Variants in MGAT4C observed in about 807,000 individuals in gnomAD.
MGAT4C encodes the protein alpha-1,3-mannosyl-glycoprotein 4-beta-N-acetylglucosaminyltransferase C.
A neutral mutation model predicts 40.1 loss-of-function variants in MGAT4C; 19 were observed. That is an observed-to-expected ratio of 0.47 (90% CI 0.33 to 0.70). The LOEUF (loss-of-function observed/expected upper bound fraction) is 0.70. MGAT4C is among the 30% of genes least tolerant of loss of function. MGAT4C has a pLI of 0.02. For synonymous variants in MGAT4C, 181 were observed against 187.1 expected, an observed-to-expected ratio of 0.97 and a Z score of 0.27; for missense variants, 491 against 563.2, an observed-to-expected ratio of 0.87 and a Z score of 1.30.
At chr12:86,526,778 G>A (rs115602856) in intron 2 of MGAT4C, among the ~76,000 whole-genome samples, 11 of 152,294 alleles carry the variant, frequency 7.2e-5, no homozygotes, top group African/African-American at 2.4e-4. Flanking sequence ...ACACCAAACC[G>A]TTTGGGTTCC....
intron 3 of MGAT4C, among the ~76,000 whole-genome samples, chr12:86,416,601 C>T (rs960302260): frequency 4.6e-5 from 7 of 151,962 alleles, no homozygotes; most frequent in African/African-American, 1.7e-4. Flanking sequence ...TAGATTAGAC[C>T]CTGCAGAATA....
At chr12:86,776,572 G>A (rs1951752078) in intron 1 of MGAT4C, among the ~76,000 whole-genome samples, 1 of 151,994 alleles carries the variant, frequency 6.6e-6, no homozygotes, top group African/African-American at 2.4e-5. Context: ...TTAGAGCAAT[G>A]TCTTTCTCAA....
intron 3 of MGAT4C, among the ~76,000 whole-genome samples, chr12:86,397,920 ACCACT>A (rs2136233826): frequency 6.6e-6 from 1 of 152,232 alleles, no homozygotes; most frequent in African/African-American, 2.4e-5. Context: ...CTATGATCAC[ACCACT>A]GCACTGCAGC....
chr12:86,331,922 C>T (rs1446971208), intron 4 of MGAT4C, among the ~76,000 whole-genome samples: 1 of 152,052 alleles, frequency 6.6e-6, no homozygotes, highest in African/African-American at 2.4e-5. Flanking sequence ...CTAATAGGTT[C>T]CCTACAGTAA....
chr12:86,193,196 A>T (rs1889720731), intron 1 of MGAT4C, among the ~76,000 whole-genome samples: 2 of 150,258 alleles, frequency 1.3e-5, no homozygotes, highest in South Asian at 4.2e-4. Context: ...TCCTTTGATT[A>T]TCTTTCTTAG....
chr12:86,095,489 T>G (rs767416523), intron 1 of MGAT4C, among the ~76,000 whole-genome samples: 1 of 152,026 alleles, frequency 6.6e-6, no homozygotes, highest in Non-Finnish European at 1.5e-5. Context: ...ATATTTCCTT[T>G]TATTAGCAAC....
At chr12:86,705,331 CT>C (rs1368448759) in intron 2 of MGAT4C, among the ~76,000 whole-genome samples, 2 of 151,782 alleles carry the variant, frequency 1.3e-5, no homozygotes, top group Non-Finnish European at 1.5e-5. Flanking sequence ...ATAATATTTG[CT>C]ACTAAGAGGC....
At chr12:86,684,866 A>G (rs1217144423) in intron 2 of MGAT4C, among the ~76,000 whole-genome samples, 2 of 151,322 alleles carry the variant, frequency 1.3e-5, no homozygotes, top group East Asian at 3.9e-4. Flanking sequence ...ATCATTCACC[A>G]ACTTTTTGAT....
intron 1 of MGAT4C, among the ~76,000 whole-genome samples, chr12:86,790,694 A>G (rs1017212049): frequency 6.6e-6 from 1 of 152,110 alleles, no homozygotes; most frequent in Non-Finnish European, 1.5e-5. Flanking sequence ...TAAGCCACAG[A>G]GAAATAGAAA....
intron 2 of MGAT4C, among the ~76,000 whole-genome samples, chr12:86,504,552 AT>A (rs937924164): frequency 6.6e-6 from 1 of 152,206 alleles, no homozygotes; most frequent in Non-Finnish European, 1.5e-5. Flanking sequence ...AAACCTTTAA[AT>A]GAAACTCCAA....
chr12:86,392,941 T>A (rs80308560), intron 3 of MGAT4C, among the ~76,000 whole-genome samples: 3,144 of 152,296 alleles, frequency 0.021, 98 homozygotes, highest in African/African-American at 0.071. Flanking sequence ...ACAGTTCCAC[T>A]GTTATTGTGA....
Position 86,774,362 on chromosome 12 carries a change from C to T in MGAT4C, c.-261-47121G>A, listed in dbSNP as rs1415092789. Among the ~76,000 whole-genome samples the T allele has an allele frequency of 8.2e-3, 228 of 27,910 alleles. 3 individuals carry two copies. Among genetic ancestry groups the T allele is most frequent in the Middle Eastern group, 0.029 (2 of 70 alleles). 18.3% of individuals were successfully genotyped at this position (27,910 alleles called of 152,430 possible). On this transcript the variant is annotated intron_variant, in intron 1 of 7. Transcript: ENST00000548651. Reference sequence around the variant, plus strand: ...TTCTGTCTCTCTCTCTCCCCTCTCTCTCTCTCTCTTTCTGTCTGTCTCTCT... The same window carrying T: ...TTCTGTCTCTCTCTCTCCCCTCTCTTTCTCTCTCTTTCTGTCTGTCTCTCT...
intron 1 of MGAT4C, among the ~76,000 whole-genome samples, chr12:86,060,033 C>T (rs559858586): frequency 9.2e-5 from 14 of 152,152 alleles, no homozygotes; most frequent in South Asian, 2.1e-4. Flanking sequence ...GAGGGAAACA[C>T]GCAAACATGG....
chr12:86,196,088 C>CA (rs1467642318), intron 1 of MGAT4C, among the ~76,000 whole-genome samples: 2 of 152,162 alleles, frequency 1.3e-5, no homozygotes, highest in East Asian at 3.8e-4. Context: ...TAGTTTCTCA[C>CA]AGCTCTGGAG....
chr12:86,408,448 A>ACTCTCTCTCTCTCTCT (rs1174416641), intron 3 of MGAT4C, among the ~76,000 whole-genome samples: 5 of 29,362 alleles, frequency 1.7e-4, no homozygotes, highest in Admixed American at 5.4e-4. Context: ...TACATAGTAA[A>ACTCTCTCTCTCTCTCT]CTCTCTCTCT....
chr12:86,091,912 T>C (rs918577088), intron 1 of MGAT4C, among the ~76,000 whole-genome samples: 3 of 152,090 alleles, frequency 2.0e-5, no homozygotes, highest in African/African-American at 7.2e-5. Context: ...ACAGTTCCCT[T>C]GAGAGAATCC....
chr12:86,652,274 C>T (rs192630739), intron 2 of MGAT4C, among the ~76,000 whole-genome samples: 1 of 151,876 alleles, frequency 6.6e-6, no homozygotes, highest in African/African-American at 2.4e-5. Context: ...ATTACCTTTC[C>T]CCATAGACAT....
intron 2 of MGAT4C, among the ~76,000 whole-genome samples, chr12:86,575,636 C>T (rs1960530664): frequency 6.6e-6 from 1 of 151,784 alleles, no homozygotes; most frequent in African/African-American, 2.4e-5. Context: ...GCTTCCAAAT[C>T]TTAGCTATTG....
chr12:85,989,126 T>C (rs1885588505), intron 3 of MGAT4C, among the ~76,000 whole-genome samples: 1 of 152,060 alleles, frequency 6.6e-6, no homozygotes, highest in Admixed American at 6.5e-5. Flanking sequence ...TCCACATATT[T>C]ATTCTGCATA....
Sources: allele counts gnomAD v4.1 joint callset (sites outside exome capture counted in the v4.1 genomes callset), GRCh38; gene constraint gnomAD v4.1.1; transcripts MANE v1.5; gene names NCBI Gene and HGNC (gene_info 2026-07-23, HGNC 2026-07-21).